The following GRM7 variants were observed in gnomAD, a reference collection of about 807,000 sequenced individuals.
The protein encoded by GRM7 is glutamate metabotropic receptor 7, also known as metabotropic glutamate receptor 7.
In GRM7, 35 loss-of-function variants were observed where a neutral mutation model predicts 84.5. The ratio of observed to expected loss-of-function variants is 0.41; its 90% CI spans 0.32 to 0.55. GRM7 has a LOEUF of 0.55. Among genes scored for constraint, GRM7 ranks in the 20% least tolerant of loss-of-function variants. The probability of loss-of-function intolerance (pLI) is 0.19; values close to 1 mark genes in which losing one functional copy is unlikely to be tolerated. For missense variants in GRM7, 1,003 were observed against 1,194.6 expected (o/e 0.84, Z 2.36); for synonymous variants, 487 against 455.1 (o/e 1.07, Z -0.89).
At chr3:7,200,203 A>AC (rs1696018437) in intron 2 of GRM7, among the ~76,000 whole-genome samples, 3 of 152,054 alleles carry the variant, frequency 2.0e-5, no homozygotes. Flanking sequence ...TTCTTGAGGG[A>AC]TTTTCCCCCA....
At chr3:7,542,266 A>C (rs893807177) in intron 7 of GRM7, among the ~76,000 whole-genome samples, 1 of 152,170 alleles carries the variant, frequency 6.6e-6, no homozygotes, top group South Asian at 2.1e-4. Flanking sequence ...TCAGCTGTCT[A>C]TGATCCAGTG....
At chr3:7,448,261 A>T (rs1309897881) in intron 5 of GRM7, among the ~76,000 whole-genome samples, 1 of 151,584 alleles carries the variant, frequency 6.6e-6, no homozygotes, top group Non-Finnish European at 1.5e-5. Context: ...TTGGGTATAT[A>T]CCCAGTAATG....
chr3:7,422,428 G>A (rs188437080), intron 5 of GRM7, among the ~76,000 whole-genome samples: 4 of 152,060 alleles, frequency 2.6e-5, no homozygotes, highest in African/African-American at 4.8e-5. Flanking sequence ...TATTTAAAAC[G>A]TAAACAGCCA....
At position 7,717,451 on chromosome 3, in the gene GRM7, TCAGC is replaced by T. The variant is rs569511901; in HGVS notation, c.2699-22903_2699-22900del. On this transcript the variant is annotated intron_variant, in intron 9 of 9. Transcript: ENST00000357716. ...ATTTTTTCTCCACCAGAAAACAGAG[TCAGC>T]CATCCTGCCACAGGGCTTTCAAATA... Among the ~76,000 whole-genome samples the T allele has an allele frequency of 3.9e-5, 6 of 152,166 alleles. No homozygotes were observed. The South Asian group carries it at 1.2e-3, about 32-fold the overall frequency.
At chr3:7,077,746 TAAAA>T (rs1201825429) in intron 1 of GRM7, among the ~76,000 whole-genome samples, 2 of 151,852 alleles carry the variant, frequency 1.3e-5, no homozygotes, top group Non-Finnish European at 1.5e-5. Context: ...ATTTTATAAA[TAAAA>T]AAAGAAAATT....
chr3:7,332,687 T>C (rs546556835), intron 4 of GRM7, among the ~76,000 whole-genome samples: 2 of 152,142 alleles, frequency 1.3e-5, no homozygotes, highest in Admixed American at 6.5e-5. Context: ...TGTGAACTTA[T>C]GCTCCAAGAA....
At chr3:7,270,341 T>A (rs1388425730) in intron 2 of GRM7, among the ~76,000 whole-genome samples, 1 of 152,212 alleles carries the variant, frequency 6.6e-6, no homozygotes, top group African/African-American at 2.4e-5. Flanking sequence ...TGTAACTTCA[T>A]TGAGGACAAA....
chr3:7,339,396 A>G (rs1390711163), intron 4 of GRM7, among the ~76,000 whole-genome samples: 6 of 152,148 alleles, frequency 3.9e-5, no homozygotes, highest in Admixed American at 1.3e-4. Context: ...GCAATTGACC[A>G]CAGGGTTCAA....
At chr3:7,025,818 A>G (rs924357) in intron 1 of GRM7, among the ~76,000 whole-genome samples, 2,688 of 152,298 alleles carry the variant, frequency 0.018, 64 homozygotes, top group African/African-American at 0.062. Flanking sequence ...TGGCACTGGC[A>G]GCATCTTTAT....
At chr3:7,304,812 T>G (rs1186071522) in intron 3 of GRM7, among the ~76,000 whole-genome samples, 1 of 150,526 alleles carries the variant, frequency 6.6e-6, no homozygotes, top group Non-Finnish European at 1.5e-5. Context: ...TATTATTTTG[T>G]TTTTTTTCCC....
chr3:7,646,000 C>G (rs1350104495), intron 8 of GRM7, among the ~76,000 whole-genome samples: 1 of 152,132 alleles, frequency 6.6e-6, no homozygotes, highest in Non-Finnish European at 1.5e-5. Flanking sequence ...GTTTAAAGAT[C>G]TATCAGAATA....
intron 1 of GRM7, among the ~76,000 whole-genome samples, chr3:6,942,715 T>C (rs1697934010): frequency 6.6e-6 from 1 of 152,128 alleles, no homozygotes; most frequent in South Asian, 2.1e-4. Flanking sequence ...AGCTTTTGTG[T>C]GGGTGCCTGC....
intron 7 of GRM7, among the ~76,000 whole-genome samples, chr3:7,463,471 T>C (rs1235008230): frequency 6.6e-6 from 1 of 152,210 alleles, no homozygotes; most frequent in Non-Finnish European, 1.5e-5. Context: ...CCTATCAAGT[T>C]AGAAGCACTG....
At chr3:6,966,453 A>C (rs1003815301) in intron 1 of GRM7, among the ~76,000 whole-genome samples, 2 of 152,214 alleles carry the variant, frequency 1.3e-5, no homozygotes, top group Non-Finnish European at 2.9e-5. Context: ...ATATTTTTGC[A>C]GTTTATATTT....
intron 1 of GRM7, among the ~76,000 whole-genome samples, chr3:7,106,341 T>C (rs957417178): frequency 6.6e-6 from 1 of 151,900 alleles, no homozygotes. Context: ...ATGCAGCCTT[T>C]TTTTTTCTTA....
intron 1 of GRM7, among the ~76,000 whole-genome samples, chr3:7,029,842 A>G (rs1696125796): frequency 6.6e-6 from 1 of 152,256 alleles, no homozygotes; most frequent in Non-Finnish European, 1.5e-5. Flanking sequence ...ATACTCTTAC[A>G]GTGATTAAAA....
At chr3:7,281,273 A>T (rs1465512795) in intron 2 of GRM7, among the ~76,000 whole-genome samples, 1 of 152,082 alleles carries the variant, frequency 6.6e-6, no homozygotes, top group African/African-American at 2.4e-5. Flanking sequence ...ATTCTATGTA[A>T]ATCTATTTTT....
At chr3:7,540,119 T>A (rs113197640) in intron 7 of GRM7, among the ~76,000 whole-genome samples, 2 of 152,354 alleles carry the variant, frequency 1.3e-5, no homozygotes, top group African/African-American at 4.8e-5. Context: ...ATAATTCACA[T>A]ATGTCACTGT....
chr3:6,897,686 TA>T (rs1268236273), intron 1 of GRM7, among the ~76,000 whole-genome samples: 1 of 152,176 alleles, frequency 6.6e-6, no homozygotes, highest in Admixed American at 6.5e-5. Context: ...CACATAAAGG[TA>T]ATAATGTGGT....
Sources: gnomAD v4.1 joint callset for allele counts (sites outside exome capture counted in the v4.1 genomes callset) on GRCh38, gnomAD v4.1.1 for gene constraint, MANE v1.5 for transcripts, NCBI Gene and HGNC (gene_info 2026-07-23, HGNC 2026-07-21) for gene names.